Variants in LRP1B observed in about 807,000 individuals in gnomAD.
LRP1B encodes the protein LDL receptor related protein 1B, also known as low-density lipoprotein receptor-related protein 1B.
LRP1B carries 217 observed loss-of-function variants against 556.6 expected under a neutral mutation model. That is an observed-to-expected ratio of 0.39 (90% confidence interval 0.35 to 0.44). The LOEUF is 0.44. Ranked by LOEUF, LRP1B falls within the 20% of genes least tolerant of loss-of-function variation. The pLI is 1.00. For synonymous variants in LRP1B, 2,047 were observed against 1,865.8 expected (o/e 1.10, Z -2.50); for missense variants, 5,053 against 5,620.8 (o/e 0.90, Z 3.23).
intron 2 of LRP1B, among the ~76,000 whole-genome samples, chr2:141,497,976 C>T (rs1366151099): frequency 9.8e-6 from 1 of 102,120 alleles, no homozygotes; most frequent in African/African-American, 4.3e-5. Flanking sequence ...TGCAGAACCA[C>T]TAAAACTTAA....
intron 66 of LRP1B, among the ~76,000 whole-genome samples, chr2:140,429,324 A>G (rs994909292): frequency 1.3e-5 from 2 of 152,004 alleles, no homozygotes; most frequent in African/African-American, 2.4e-5. Flanking sequence ...CATAGTGCCA[A>G]ACCCATATAC....
At chr2:140,767,164 T>C (rs1689150194) in intron 35 of LRP1B, among the ~76,000 whole-genome samples, 1 of 151,844 alleles carries the variant, frequency 6.6e-6, no homozygotes, top group Admixed American at 6.6e-5. Flanking sequence ...CCTTCTTTGG[T>C]TTTAAAGAAA....
At chr2:141,992,031 T>C (rs1016253676) in intron 1 of LRP1B, among the ~76,000 whole-genome samples, 1 of 152,148 alleles carries the variant, frequency 6.6e-6, no homozygotes, top group Admixed American at 6.6e-5. Flanking sequence ...ATATAACCTA[T>C]CCCTGATATA....
intron 7 of LRP1B, among the ~76,000 whole-genome samples, chr2:141,074,829 A>G (rs1299616941): frequency 6.6e-6 from 1 of 152,078 alleles, no homozygotes; most frequent in African/African-American, 2.4e-5. Flanking sequence ...TTTCAGGCCT[A>G]AATTACTAAT....
At chr2:141,015,245 G>A (rs551764487) in intron 13 of LRP1B, among the ~76,000 whole-genome samples, 1 of 152,132 alleles carries the variant, frequency 6.6e-6, no homozygotes, top group African/African-American at 2.4e-5. Context: ...CAATAAGCTG[G>A]AAGTTCAGCT....
intron 35 of LRP1B, among the ~76,000 whole-genome samples, chr2:140,741,108 T>C (rs1046201440): frequency 3.9e-5 from 6 of 152,202 alleles, no homozygotes; most frequent in African/African-American, 7.2e-5. Context: ...GTATCTGTAT[T>C]AGCCATTAGC....
chr2:141,089,558 A>T (rs1700126196), intron 7 of LRP1B, among the ~76,000 whole-genome samples: 1 of 152,210 alleles, frequency 6.6e-6, no homozygotes. Flanking sequence ...CCCATTCTGT[A>T]AGTATTATAT....
At chr2:141,629,029 T>C (rs1210214563) in intron 2 of LRP1B, among the ~76,000 whole-genome samples, 1 of 152,204 alleles carries the variant, frequency 6.6e-6, no homozygotes, top group Non-Finnish European at 1.5e-5. Flanking sequence ...TATCTCCACG[T>C]ATACATGAGA....
At chr2:141,601,599 TTTCCTTCCTTCCTTCCTTCCTTCCTTCC>T (rs59436887) in intron 2 of LRP1B, among the ~76,000 whole-genome samples, 1 of 140,642 alleles carries the variant, frequency 7.1e-6, no homozygotes, top group Non-Finnish European at 1.5e-5. Context: ...GTAGCACTCC[TTTCCTTCCTTCCTTCCTTCCTTCCTTCC>T]TTCCTTCCTT....
At chr2:140,850,935 T>C (rs1692439769) in intron 28 of LRP1B, among the ~76,000 whole-genome samples, 2 of 152,154 alleles carry the variant, frequency 1.3e-5, no homozygotes, top group Admixed American at 6.5e-5. Context: ...GTTACAGATA[T>C]TCTATTTTGT....
chr2:140,241,388 G>T (rs2046565), intron 87 of LRP1B, among the ~76,000 whole-genome samples: 52,738 of 150,346 alleles, frequency 0.35, 9,922 homozygotes, highest in Non-Finnish European at 0.43. Context: ...GTATAAAATT[G>T]GTGGGTGTAA....
At chr2:140,407,748 A>G (rs1333761173) in intron 66 of LRP1B, among the ~76,000 whole-genome samples, 1 of 152,002 alleles carries the variant, frequency 6.6e-6, no homozygotes, top group Non-Finnish European at 1.5e-5. Context: ...AATTAGTACA[A>G]CCTCTTTGGA....
At position 140,798,905 on chromosome 2, in the gene LRP1B, A is replaced by G. The variant is rs147476752; in HGVS notation, c.5359+14752T>C. On this transcript the variant is annotated intron_variant, in intron 32 of 90. Coordinates refer to ENST00000389484, the MANE Select transcript of LRP1B (RefSeq NM_018557.3). ...TCAATCCAGTTTTCAGAGGTAATACAGTCGCATTATCTCCATCACACAGTT... is the reference window on the plus strand; with the variant it reads ...TCAATCCAGTTTTCAGAGGTAATACGGTCGCATTATCTCCATCACACAGTT... Among the ~76,000 whole-genome samples the G allele has an allele frequency of 2.5e-3, 377 of 152,306 alleles. 1 individual carries two copies. Among genetic ancestry groups the G allele is most frequent in the Non-Finnish European group, 4.0e-3 (269 of 68,022 alleles).
chr2:140,694,403 T>G (rs1193261177), intron 41 of LRP1B, among the ~76,000 whole-genome samples: 1 of 152,222 alleles, frequency 6.6e-6, no homozygotes, highest in Non-Finnish European at 1.5e-5. Flanking sequence ...GTCTGAAGAT[T>G]TTACTCTTGT....
chr2:141,540,376 CATT>C (rs1685214977), intron 2 of LRP1B, among the ~76,000 whole-genome samples: 1 of 151,700 alleles, frequency 6.6e-6, no homozygotes, highest in Admixed American at 6.6e-5. Flanking sequence ...ATATTGTCAT[CATT>C]AATAGATGCA....
intron 1 of LRP1B, among the ~76,000 whole-genome samples, chr2:141,849,750 A>G (rs1574425059): frequency 6.6e-6 from 1 of 151,660 alleles, no homozygotes; most frequent in South Asian, 2.1e-4. Flanking sequence ...TAAAATTTCT[A>G]TTTTGTATTA....
chr2:141,568,384 G>A (rs1479095844), intron 2 of LRP1B, among the ~76,000 whole-genome samples: 1 of 151,144 alleles, frequency 6.6e-6, no homozygotes, highest in Non-Finnish European at 1.5e-5. Context: ...TTACCTGAGT[G>A]CCTCAAGAAG....
At chr2:141,334,480 CTT>C (rs1316820187) in intron 3 of LRP1B, among the ~76,000 whole-genome samples, 1 of 152,242 alleles carries the variant, frequency 6.6e-6, no homozygotes, top group East Asian at 1.9e-4. Flanking sequence ...ACCTGAACCT[CTT>C]TTCTTTATAA....
chr2:141,953,858 A>G (rs1266306705), intron 1 of LRP1B, among the ~76,000 whole-genome samples: 1 of 152,108 alleles, frequency 6.6e-6, no homozygotes, highest in Non-Finnish European at 1.5e-5. Flanking sequence ...AGTGCTTGTC[A>G]TATTGTAAAA....
Sources: allele counts gnomAD v4.1 joint callset (sites outside exome capture counted in the v4.1 genomes callset), GRCh38; gene constraint gnomAD v4.1.1; transcripts MANE v1.5; gene names NCBI Gene and HGNC (gene_info 2026-07-23, HGNC 2026-07-21).